SOX6: variants seen among roughly 807,000 people sequenced by gnomAD.
The protein encoded by SOX6 is SRY-box transcription factor 6, also known as transcription factor SOX-6.
In SOX6, 11 loss-of-function variants were observed where a neutral mutation model predicts 97.8. The observed-to-expected ratio is 0.11, with a 90% confidence interval of 0.07 to 0.19. SOX6 has a LOEUF of 0.19. SOX6 is among the 10% of genes least tolerant of loss of function. The pLI is 1.00. For synonymous variants in SOX6, 360 were observed against 371.4 expected (o/e 0.97, Z 0.35); for missense variants, 810 against 1,039.5 (o/e 0.78, Z 3.04).
chr11:16,609,344 A>G (rs1232509615), intron 4 of SOX6, among the ~76,000 whole-genome samples: 3 of 152,340 alleles, frequency 2.0e-5, no homozygotes, highest in African/African-American at 7.2e-5. Context: ...AGAGGTTCTG[A>G]AGCACCAGCA....
At chr11:16,247,637 T>C (rs1853379205) in intron 3 of SOX6, among the ~76,000 whole-genome samples, 1 of 152,136 alleles carries the variant, frequency 6.6e-6, no homozygotes, top group African/African-American at 2.4e-5. Flanking sequence ...TCAGATCTTA[T>C]GAGAACTTAC....
chr11:16,526,461 C>T (rs1406679077), intron 4 of SOX6, among the ~76,000 whole-genome samples: 1 of 150,774 alleles, frequency 6.6e-6, no homozygotes, highest in Non-Finnish European at 1.5e-5. Flanking sequence ...GGAAGGGGAA[C>T]ATCACACTCC....
rs149336992 is a variant in SOX6 at position 16,429,040 on chromosome 11, T to TA, written c.-5+47274dup. 2.6e-3 allele frequency among the ~76,000 whole-genome samples: 400 copies of TA among 152,058 alleles called. 3 individuals are homozygous for TA. Among genetic ancestry groups the TA allele is most frequent in the African/African-American group, 9.1e-3 (378 of 41,520 alleles). On this transcript the variant is annotated intron_variant, in intron 1 of 15. Transcript: ENST00000396356. Reference sequence around the variant, plus strand: ...TCCTTGAACAGGCACTTTTCAAAAGTAAGACATAAATGCAGCCAACAATCA... The same window carrying TA: ...TCCTTGAACAGGCACTTTTCAAAAGTAAAGACATAAATGCAGCCAACAATCA...
chr11:16,572,085 C>T (rs1847945464), intron 4 of SOX6, among the ~76,000 whole-genome samples: 3 of 152,122 alleles, frequency 2.0e-5, no homozygotes, highest in African/African-American at 7.2e-5. Flanking sequence ...CCAGTTACTT[C>T]TGAACTTACA....
At chr11:16,704,511 A>G (rs1168244354) in intron 3 of SOX6, among the ~76,000 whole-genome samples, 2 of 152,190 alleles carry the variant, frequency 1.3e-5, no homozygotes, top group Non-Finnish European at 2.9e-5. Context: ...ATCCTGCAAA[A>G]TAGGTATTGT....
intron 2 of SOX6, among the ~76,000 whole-genome samples, chr11:16,319,598 T>A (rs1441301405): frequency 4.0e-5 from 6 of 150,666 alleles, no homozygotes; most frequent in African/African-American, 1.2e-4. Context: ...CGGCGTTTGG[T>A]TTTTTGTCCT....
intron 4 of SOX6, among the ~76,000 whole-genome samples, chr11:16,187,839 C>T (rs560139465): frequency 8.5e-5 from 13 of 152,128 alleles, no homozygotes; most frequent in South Asian, 2.1e-4. Flanking sequence ...AGCATTTTAC[C>T]GCAGCATAAG....
At chr11:16,507,081 T>G (rs1860800733) in intron 4 of SOX6, among the ~76,000 whole-genome samples, 1 of 151,868 alleles carries the variant, frequency 6.6e-6, no homozygotes, top group African/African-American at 2.4e-5. Context: ...ATAATAATAA[T>G]AAATACAATA....
intron 4 of SOX6, among the ~76,000 whole-genome samples, chr11:16,498,645 C>G (rs186030566): frequency 2.6e-5 from 4 of 152,230 alleles, no homozygotes; most frequent in Admixed American, 1.3e-4. Flanking sequence ...CAAAAAAAGG[C>G]AGCAGTTGCA....
At chr11:16,293,407 T>C (rs990160764) in intron 3 of SOX6, among the ~76,000 whole-genome samples, 2 of 152,170 alleles carry the variant, frequency 1.3e-5, no homozygotes, top group Admixed American at 6.6e-5. Context: ...ATAAATTCTG[T>C]CCAATTGTTT....
chr11:16,670,388 C>A (rs1211703246), intron 3 of SOX6, among the ~76,000 whole-genome samples: 1 of 152,178 alleles, frequency 6.6e-6, no homozygotes, highest in African/African-American at 2.4e-5. Flanking sequence ...CACCCCACCC[C>A]ACTGGCTGAA....
intron 1 of SOX6, among the ~76,000 whole-genome samples, chr11:16,432,904 C>T (rs1309947910): frequency 6.6e-6 from 1 of 152,022 alleles, no homozygotes; most frequent in African/African-American, 2.4e-5. Context: ...TTTCATCTTA[C>T]ATCCATGACT....
chr11:16,486,944 C>T (rs567179794), intron 4 of SOX6, among the ~76,000 whole-genome samples: 1 of 151,834 alleles, frequency 6.6e-6, no homozygotes, highest in Non-Finnish European at 1.5e-5. Flanking sequence ...TATTAGAGCT[C>T]CACACAAACC....
intron 6 of SOX6, among the ~76,000 whole-genome samples, chr11:16,132,394 GAAAGAAAAAAGAAAGA>G (rs1564972262): frequency 3.1e-5 from 2 of 63,712 alleles, no homozygotes; most frequent in African/African-American, 7.1e-5. Context: ...AAGAAAGAAA[GAAAGAAAAAAGAAAGA>G]AAGAAAGAAA....
chr11:16,060,020 C>A (rs969845988), intron 9 of SOX6, among the ~76,000 whole-genome samples: 2 of 151,896 alleles, frequency 1.3e-5, no homozygotes, highest in Non-Finnish European at 2.9e-5. Flanking sequence ...CTTAGAGATG[C>A]TAACAGTCCT....
At chr11:16,068,616 C>T (rs913841930) in intron 9 of SOX6, among the ~76,000 whole-genome samples, 1 of 152,132 alleles carries the variant, frequency 6.6e-6, no homozygotes, top group Non-Finnish European at 1.5e-5. Context: ...AGAACTACTA[C>T]ACTCCCAGTC....
chr11:16,609,963 G>A (rs1485778325), intron 4 of SOX6, among the ~76,000 whole-genome samples: 1 of 152,190 alleles, frequency 6.6e-6, no homozygotes, highest in Non-Finnish European at 1.5e-5. Flanking sequence ...CCAATAAGAT[G>A]TACACCCTGG....
In SOX6 at chr11:16,705,869, AAACAG is replaced by A. The variant is rs200343641; in HGVS notation, n.429+8956_429+8960del. 6.2e-3 allele frequency among the ~76,000 whole-genome samples: 945 copies of A among 152,324 alleles called. 16 individuals are homozygous for A. The highest frequency in any genetic ancestry group is 0.022 in the African/African-American group (913 of 41,576). On this transcript the variant is annotated intron_variant and non_coding_transcript_variant, in intron 3 of 5. Coordinates refer to the SOX6 transcript ENST00000524520. ...AGTAAAAGAAATGAGAAAGGAATAA[AAACAG>A]TACAATAGAACATATCTAATTAACA...
intron 4 of SOX6, among the ~76,000 whole-genome samples, chr11:16,194,250 A>C (rs563268503): frequency 6.6e-6 from 1 of 152,290 alleles, no homozygotes; most frequent in South Asian, 2.1e-4. Context: ...TTCAGTACAA[A>C]ACCACCACAA....
Sources: gnomAD v4.1 joint callset for allele counts (sites outside exome capture counted in the v4.1 genomes callset) on GRCh38, gnomAD v4.1.1 for gene constraint, MANE v1.5 for transcripts, NCBI Gene and HGNC (gene_info 2026-07-23, HGNC 2026-07-21) for gene names.